Variants in RMND5A observed in about 807,000 individuals in gnomAD.
RMND5A encodes E3 ubiquitin-protein transferase RMND5A.
A neutral mutation model predicts 49.7 loss-of-function variants in RMND5A; 17 were observed. That is an observed-to-expected ratio of 0.34 (90% CI 0.23 to 0.51). The LOEUF is 0.51. Among genes scored for constraint, RMND5A ranks in the 20% least tolerant of loss-of-function variants. The probability of loss-of-function intolerance (pLI) is 0.96; values close to 1 mark genes in which losing one functional copy is unlikely to be tolerated. For synonymous variants in RMND5A, 156 were observed against 167.7 expected (o/e 0.93, Z 0.54); for missense variants, 255 against 471.3 (o/e 0.54, Z 4.25).
rs779113645 is a variant in RMND5A at position 86,720,630 on chromosome 2, A to C, written c.-38A>C. The C allele has an allele frequency of 6.6e-7, 1 of 1,507,912 alleles. No homozygotes were observed. Among genetic ancestry groups the C allele is most frequent in the Non-Finnish European group, 8.8e-7 (1 of 1,130,966 alleles). 93.4% of individuals were successfully genotyped at this position (1,507,912 alleles called of 1,614,324 possible). On this transcript the variant is annotated 5_prime_UTR_variant, in exon 1 of 9. Coordinates refer to ENST00000283632, the MANE Select transcript of RMND5A (RefSeq NM_022780.4). Reference sequence around the variant, plus strand: ...GGGCCCGGGCCGAACGGCTGCGGACACCTGGGCGCCGAGGAGCCGAGCGCC... The same window carrying C: ...GGGCCCGGGCCGAACGGCTGCGGACCCCTGGGCGCCGAGGAGCCGAGCGCC...
intron 2 of RMND5A, among the ~76,000 whole-genome samples, chr2:86,747,676 G>A (rs774488445): frequency 5.2e-4 from 79 of 152,200 alleles, no homozygotes; most frequent in South Asian, 2.7e-3. Flanking sequence ...TAAATACTGA[G>A]TTTTATATAT....
At chr2:86,752,961 A>T (rs1681660999) in intron 3 of RMND5A, among the ~76,000 whole-genome samples, 1 of 152,194 alleles carries the variant, frequency 6.6e-6, no homozygotes, top group South Asian at 2.1e-4. Flanking sequence ...GTTTGCTTTT[A>T]AGTAACAAAA....
intron 4 of RMND5A, among the ~76,000 whole-genome samples, chr2:86,760,339 C>T (rs1321273431): frequency 1.3e-5 from 2 of 152,226 alleles, no homozygotes; most frequent in Non-Finnish European, 2.9e-5. Flanking sequence ...CCACTGCACC[C>T]AGCCCTTGTA....
intron 4 of RMND5A, among the ~76,000 whole-genome samples, chr2:86,754,667 C>T (rs541231589): frequency 2.0e-5 from 3 of 152,064 alleles, no homozygotes; most frequent in Admixed American, 6.5e-5. Flanking sequence ...CCCAACCTCC[C>T]GCCTTAGCCT....
intron 4 of RMND5A, among the ~76,000 whole-genome samples, chr2:86,755,913 G>A (rs538909255): frequency 3.9e-5 from 6 of 152,102 alleles, no homozygotes; most frequent in Middle Eastern, 3.4e-3. Context: ...GCCTAGCATC[G>A]TTCTAAGCAT....
chr2:86,761,209 A>T (rs1672482547), intron 4 of RMND5A, among the ~76,000 whole-genome samples: 1 of 152,198 alleles, frequency 6.6e-6, no homozygotes, highest in South Asian at 2.1e-4. Flanking sequence ...GATGTCAAGG[A>T]TTCATTAAGG....
At chr2:86,766,368 C>T (rs189729564) in intron 6 of RMND5A, among the ~76,000 whole-genome samples, 139 of 152,270 alleles carry the variant, frequency 9.1e-4, no homozygotes, top group Non-Finnish European at 1.7e-3. Flanking sequence ...CCACCACACA[C>T]TTGCAGTTTA....
chr2:86,768,778 G>A (rs1672640136), intron 6 of RMND5A, among the ~76,000 whole-genome samples: 1 of 152,162 alleles, frequency 6.6e-6, no homozygotes, highest in African/African-American at 2.4e-5. Context: ...TCTGAGAAAT[G>A]AGTGCTTCCA....
Position 86,720,653 on chromosome 2 carries a change from G to A in RMND5A, c.-15G>A, listed in dbSNP as rs771462647. The A allele has an allele frequency of 5.9e-6, 9 of 1,532,304 alleles. No homozygotes were observed. Among genetic ancestry groups the A allele is most frequent in the Non-Finnish European group, 8.7e-7 (1 of 1,143,210 alleles). 94.9% of individuals were successfully genotyped at this position (1,532,304 alleles called of 1,614,324 possible). ...ACACCTGGGCGCCGAGGAGCCGAGC[G>A]CCGCCGCCTCCGGCATGGATCAGTG... On this transcript the variant is annotated 5_prime_UTR_variant, in exon 1 of 9. Coordinates refer to ENST00000283632, the MANE Select transcript of RMND5A (RefSeq NM_022780.4).
In RMND5A at chr2:86,753,137, A is replaced by G. The variant is rs143798435; in HGVS notation, c.421-321A>G. ...AGGGTGTCTCCTGTCTTCAGAGTCCAGGATAGCAGCCAAAGCTCCAGCCAT... is the reference window on the plus strand; with the variant it reads ...AGGGTGTCTCCTGTCTTCAGAGTCCGGGATAGCAGCCAAAGCTCCAGCCAT... On this transcript the variant is annotated intron_variant, in intron 3 of 8. Transcript: ENST00000283632. Among the ~76,000 whole-genome samples the G allele has an allele frequency of 2.3e-4, 35 of 152,354 alleles. 2 individuals are homozygous for G. The East Asian group carries it at 6.6e-3, about 29-fold the overall frequency.
intron 2 of RMND5A, among the ~76,000 whole-genome samples, chr2:86,742,216 G>T (rs530827913): frequency 7.3e-6 from 1 of 137,570 alleles, no homozygotes; most frequent in East Asian, 2.3e-4. Flanking sequence ...GTTTGACTTG[G>T]CCAGAGAGTC....
chr2:86,724,012 A>T (rs1476592304), intron 1 of RMND5A, among the ~76,000 whole-genome samples: 1 of 151,920 alleles, frequency 6.6e-6, no homozygotes, highest in Non-Finnish European at 1.5e-5. Context: ...GGTCTCTCAT[A>T]CCTGGTGAAT....
chr2:86,772,873 TG>T (rs1450328737), intron 8 of RMND5A, among the ~76,000 whole-genome samples: 1 of 151,566 alleles, frequency 6.6e-6, no homozygotes, highest in Non-Finnish European at 1.5e-5. Flanking sequence ...CCACCTTGCC[TG>T]GCCAAAATTG....
At chr2:86,753,049 T>C (rs771092136) in intron 3 of RMND5A, among the ~76,000 whole-genome samples, 3 of 152,182 alleles carry the variant, frequency 2.0e-5, no homozygotes, top group Non-Finnish European at 2.9e-5. Context: ...GTCCACAGCA[T>C]GTTTGGTAGC....
chr2:86,768,201 T>C (rs1377422678), intron 6 of RMND5A, among the ~76,000 whole-genome samples: 3 of 152,246 alleles, frequency 2.0e-5, no homozygotes, highest in Admixed American at 2.0e-4. Context: ...TCCTTAATAC[T>C]TAAGCATATA....
chr2:86,724,096 T>C (rs928058184), intron 1 of RMND5A, among the ~76,000 whole-genome samples: 2 of 150,924 alleles, frequency 1.3e-5, no homozygotes, highest in Non-Finnish European at 2.9e-5. Flanking sequence ...CTTTTTTTTT[T>C]TTTCTTTTAA....
rs1252421467 is a variant in RMND5A at position 86,720,570 on chromosome 2, G to T, written c.-98G>T. On this transcript the variant is annotated 5_prime_UTR_variant, in exon 1 of 9. Coordinates refer to ENST00000283632, the MANE Select transcript of RMND5A (RefSeq NM_022780.4). ...GCCGCCTCAGCCTCCCGCGCCGCCCGCTTGGGGAACGAGGAGCAGGACGCG... is the reference window on the plus strand; with the variant it reads ...GCCGCCTCAGCCTCCCGCGCCGCCCTCTTGGGGAACGAGGAGCAGGACGCG... 8.9e-7 allele frequency: 1 copy of T among 1,125,242 alleles called. No individual in the cohort carries two copies. Among genetic ancestry groups the T allele is most frequent in the Non-Finnish European group, 1.1e-6 (1 of 894,690 alleles). 69.7% of individuals were successfully genotyped at this position (1,125,242 alleles called of 1,614,324 possible).
chr2:86,753,022 G>A (rs1019091252), intron 3 of RMND5A, among the ~76,000 whole-genome samples: 1 of 152,120 alleles, frequency 6.6e-6, no homozygotes, highest in African/African-American at 2.4e-5. Context: ...TTCTTGCACA[G>A]AAATCGGTAG....
At chr2:86,753,658 C>G in intron 4 of RMND5A, 100 bp downstream of exon 4, 1 of 584,950 alleles carries the variant, frequency 1.7e-6, no homozygotes, top group Non-Finnish European at 3.0e-6. Context: ...ATTTATCTTA[C>G]CTGTGGTAGA....
Sources: gnomAD v4.1 joint callset for allele counts (sites outside exome capture counted in the v4.1 genomes callset) on GRCh38, gnomAD v4.1.1 for gene constraint, MANE v1.5 for transcripts, NCBI Gene and HGNC (gene_info 2026-07-23, HGNC 2026-07-21) for gene names.